The following CYP4F12 variants were observed in gnomAD, a reference collection of about 807,000 sequenced individuals.
CYP4F12 encodes cytochrome P450 family 4 subfamily F member 12.
CYP4F12 carries 60 observed loss-of-function variants against 56.5 expected under a neutral mutation model. That is an observed-to-expected ratio of 1.06 (90% CI 0.86 to 1.32). CYP4F12 has a LOEUF of 1.32. CYP4F12 is among the 40% of genes most tolerant of loss of function. The pLI, the probability that CYP4F12 is intolerant of heterozygous loss-of-function variation, is 0.00. For missense variants in CYP4F12, 711 were observed against 683.5 expected, an observed-to-expected ratio of 1.04 and a Z score of -0.45; for synonymous variants, 263 against 264.9, an observed-to-expected ratio of 0.99 and a Z score of 0.07.
chr19:15,680,705 C>A, intron 5 of CYP4F12, 186 bp downstream of exon 5: 2 of 746,940 alleles, frequency 2.7e-6, no homozygotes, highest in Non-Finnish European at 4.6e-6. Context: ...ACTTGGCACA[C>A]AGTAGGTTCT....
chr19:15,678,512 T>A (rs661431), intron 3 of CYP4F12, 107 bp downstream of exon 3: 1,319,522 of 1,414,688 alleles, frequency 0.93, 615,752 homozygotes, highest in East Asian at 1. Flanking sequence ...TGAGACTTCC[T>A]TCTCAATGTC....
intron 6 of CYP4F12, 39 bp from the exon 7 acceptor site, chr19:15,683,454 C>T (rs777771597): frequency 5.8e-5 from 89 of 1,547,078 alleles, no homozygotes; most frequent in Admixed American, 4.1e-4. Context: ...GCTTTGCATA[C>T]GTTACATTGT....
In CYP4F12 at chr19:15,678,513, T is replaced by C. The variant is rs1359972150; in HGVS notation, c.343+108T>C. 4 of 1,358,484 alleles carry C rather than the reference T, an allele frequency of 2.9e-6. No individual in the cohort carries two copies. The African/African-American group carries it at 5.7e-5, about 19-fold the overall frequency. The allele number at this position is 1,358,484 out of a possible 1,614,324, so 84.2% of individuals were successfully genotyped here. A position where few individuals can be genotyped will look rare whatever the true frequency, so the allele number is the denominator to read the frequency against. On this transcript the variant is annotated intron_variant, in intron 3 of 12. Coordinates refer to ENST00000550308, the MANE Select transcript of CYP4F12 (RefSeq NM_023944.4). The stretch of plus-strand genomic sequence containing the variant: ...CTCGTGCCCCTCATTGAGACTTCCT[T>C]CTCAATGTCTTCTCCCTCCATTGCC...
intron 5 of CYP4F12, chr19:15,680,811 C>T (rs1252315795): frequency 2.4e-6 from 1 of 410,658 alleles, no homozygotes; most frequent in Non-Finnish European, 4.6e-6. Flanking sequence ...TGATTATAAA[C>T]CACTTCAGAA....
At chr19:15,695,295 T>A (rs1288789905) in intron 9 of CYP4F12, among the ~76,000 whole-genome samples, 2 of 131,438 alleles carry the variant, frequency 1.5e-5, no homozygotes, top group Non-Finnish European at 3.1e-5. Flanking sequence ...TAGGTGGGAA[T>A]TGAACAATGA....
In CYP4F12 at chr19:15,683,552, G is replaced by A. The variant is rs201990535; in HGVS notation, c.707G>A (p.Ser236Asn). The A allele has an allele frequency of 1.7e-3, 2,677 of 1,613,594 alleles. 34 individuals carry two copies. In the African/African-American group the frequency reaches 0.031, roughly 19 times the overall value. The change falls in exon 7 of 13, where the codon AGC becomes AAC. Residue 236 changes from serine to asparagine, a missense_variant. Transcript: ENST00000550308. Reference protein sequence around the residue: ...LELSALVEKRSQHILQHMDFL... With the variant: ...LELSALVEKRNQHILQHMDFL... ...CTCAGTGCCCTTGTAGAGAAAAGAA[G>A]CCAGCATATCCTCCAGCACATGGAC...
chr19:15,678,389 T>C lies in CYP4F12; in HGVS notation c.327T>C (p.Ser109=). ...TATGCCACCCTGACACCATCCGGTCTATCACCAATGCCTCAGGTACCCATG... is the reference window on the plus strand; with the variant it reads ...TATGCCACCCTGACACCATCCGGTCCATCACCAATGCCTCAGGTACCCATG... ...IVLCHPDTIR[S]ITNASAAIAP... The change falls in exon 3 of 13, where the codon TCT becomes TCC. Residue 109 remains serine, a synonymous_variant. Transcript: ENST00000550308. 1 of 1,614,068 alleles carries C rather than the reference T, an allele frequency of 6.2e-7. No individual in the cohort carries two copies. Among genetic ancestry groups the C allele is most frequent in the East Asian group, 2.2e-5 (1 of 44,900 alleles).
At chr19:15,684,022 C>A in intron 7 of CYP4F12, 1 of 319,244 alleles carries the variant, frequency 3.1e-6, no homozygotes, top group Non-Finnish European at 5.7e-6. Flanking sequence ...TTATGTGTAT[C>A]TATATGTCTA....
chr19:15,690,038 A>G (rs899154372), intron 9 of CYP4F12, among the ~76,000 whole-genome samples: 1 of 152,206 alleles, frequency 6.6e-6, no homozygotes, highest in Non-Finnish European at 1.5e-5. Context: ...CTAAAACCTC[A>G]GAATTCACCA....
chr19:15,689,846 C>A (rs994880405), intron 9 of CYP4F12, among the ~76,000 whole-genome samples: 1 of 152,158 alleles, frequency 6.6e-6, no homozygotes, highest in Non-Finnish European at 1.5e-5. Context: ...TGAAGTAACT[C>A]AAGAATAGAA....
At position 15,683,767 on chromosome 19, in the gene CYP4F12, G is replaced by A. The variant is rs771559562; in HGVS notation, c.918+4G>A. 15 of 1,530,418 alleles carry A rather than the reference G, an allele frequency of 9.8e-6. No homozygotes were observed. In the African/African-American group the frequency reaches 1.9e-4, roughly 20 times the overall value. 94.8% of individuals were successfully genotyped at this position (1,530,418 alleles called of 1,614,324 possible). On this transcript the variant is annotated splice_donor_region_variant and intron_variant, in intron 7 of 12. Coordinates refer to ENST00000550308, the MANE Select transcript of CYP4F12 (RefSeq NM_023944.4). ...TGATGTGCTTCTGCTGAGCAAGGTA[G>A]GTTTCTCTATGATCTGAATTTAGGT... is the stretch of plus-strand genomic sequence containing the variant.
At chr19:15,678,602 C>A in intron 3 of CYP4F12, 197 bp downstream of exon 3, 1 of 654,634 alleles carries the variant, frequency 1.5e-6, no homozygotes, top group South Asian at 2.1e-5. Flanking sequence ...ATTCAGGGCC[C>A]TTTCTGGAAG....
chr19:15,684,969 T>C, intron 8 of CYP4F12, 87 bp downstream of exon 8: 3 of 1,567,594 alleles, frequency 1.9e-6, no homozygotes, highest in Non-Finnish European at 2.6e-6. Context: ...CACTCCATTC[T>C]GCCCATCTTC....
intron 5 of CYP4F12, chr19:15,681,119 A>G (rs971773646): frequency 2.3e-5 from 4 of 170,798 alleles, no homozygotes; most frequent in African/African-American, 9.6e-5. Flanking sequence ...AGGAGGCTGC[A>G]ATGTCTGTGG....
At chr19:15,674,669 C>CCTCACTCGCTCATTCCT (rs2006825694) in intron 2 of CYP4F12, among the ~76,000 whole-genome samples, 2 of 107,356 alleles carry the variant, frequency 1.9e-5, no homozygotes, top group African/African-American at 3.6e-5. Context: ...TCATTCCTCT[C>CCTCACTCGCTCATTCCT]CTCACTCACT....
intron 9 of CYP4F12, among the ~76,000 whole-genome samples, chr19:15,694,087 T>C (rs7256701): frequency 0.27 from 40,522 of 149,904 alleles, 5,492 homozygotes; most frequent in African/African-American, 0.36. Context: ...TTTTGGTTAC[T>C]GTAGCCTTGT....
chr19:15,696,858 A>T, intron 12 of CYP4F12, 50 bp from the exon 13 acceptor site: 1 of 1,561,254 alleles, frequency 6.4e-7, no homozygotes, highest in Non-Finnish European at 8.7e-7. Flanking sequence ...GGTTGATGGG[A>T]CCCAAATGCG....
At chr19:15,684,296 C>A (rs1317125822) in intron 7 of CYP4F12, 1 of 155,912 alleles carries the variant, frequency 6.4e-6, no homozygotes, top group Non-Finnish European at 1.4e-5. Flanking sequence ...AAGTTAGAGA[C>A]AGAGAAAGAG....
chr19:15,689,547 T>A (rs2007779107), intron 9 of CYP4F12, among the ~76,000 whole-genome samples: 1 of 152,220 alleles, frequency 6.6e-6, no homozygotes, highest in Non-Finnish European at 1.5e-5. Flanking sequence ...ACGATAAGGA[T>A]ATTCCTTAGC....
Sources: allele counts gnomAD v4.1 joint callset (sites outside exome capture counted in the v4.1 genomes callset), GRCh38; gene constraint gnomAD v4.1.1; transcripts MANE v1.5; gene names NCBI Gene and HGNC (gene_info 2026-07-23, HGNC 2026-07-21).